The following NCR1 variants were observed in gnomAD, a reference collection of about 807,000 sequenced individuals.
NCR1 encodes NK cell-activating receptor.
NCR1 carries 30 observed loss-of-function variants against 32.5 expected under a neutral mutation model. That is an observed-to-expected ratio of 0.92 (90% CI 0.69 to 1.25). NCR1 has a LOEUF of 1.25. Ranked by LOEUF, NCR1 falls within the 50% of genes most tolerant of loss-of-function variation. The pLI is 0.00. For missense variants in NCR1, 369 were observed against 380.7 expected, an observed-to-expected ratio of 0.97 and a Z score of 0.26; for synonymous variants, 169 against 143.4, an observed-to-expected ratio of 1.18 and a Z score of -1.28.
chr19:54,899,021 A>G, the NCR1 span, among the ~76,000 whole-genome samples: 97 of 152,036 alleles, frequency 6.4e-4, 2 homozygotes, highest in South Asian at 0.019. Context: ...GATTAGAAAG[A>G]CTCAGCGATG....
the NCR1 span, chr19:54,933,573 A>T: frequency 1.2e-6 from 2 of 1,614,176 alleles, no homozygotes; most frequent in African/African-American, 2.7e-5. Context: ...ACTTACACCA[A>T]GGTCTGCAGT....
the NCR1 span, among the ~76,000 whole-genome samples, chr19:54,936,041 G>A: frequency 6.6e-6 from 1 of 152,204 alleles, no homozygotes; most frequent in Admixed American, 6.6e-5. Flanking sequence ...ACCCAGCACA[G>A]AATTCGGGGT....
At chr19:54,937,086 C>T in the NCR1 span, among the ~76,000 whole-genome samples, 6 of 147,842 alleles carry the variant, frequency 4.1e-5, no homozygotes, top group East Asian at 2.0e-4. Flanking sequence ...GGCGTGGTGG[C>T]GGGCGCCTGT....
downstream of NCR1, among the ~76,000 whole-genome samples, chr19:54,919,343 TAA>T (rs1249042402): frequency 1.3e-5 from 2 of 152,058 alleles, no homozygotes; most frequent in East Asian, 1.9e-4. Flanking sequence ...AGGGGCAGGG[TAA>T]AGAGTGTGAG....
chr19:54,915,284 C>T (rs138904023), downstream of NCR1, among the ~76,000 whole-genome samples: 1 of 152,214 alleles, frequency 6.6e-6, no homozygotes, highest in Non-Finnish European at 1.5e-5. Flanking sequence ...AGACTTCTCA[C>T]TAGGGGTCTT....
At chr19:54,912,640 A>AAAAAT in intron 6 of NCR1, 50 bp from the exon 7 acceptor site, 1 of 522,358 alleles carries the variant, frequency 1.9e-6, no homozygotes, top group Non-Finnish European at 3.3e-6. Flanking sequence ...AAAAAAAAAG[A>AAAAAT]GGGTGTCCTT....
At chr19:54,923,013 C>T in the NCR1 span, among the ~76,000 whole-genome samples, 8 of 151,986 alleles carry the variant, frequency 5.3e-5, no homozygotes, top group East Asian at 5.8e-4. Context: ...GAGTAGGAGG[C>T]GGCCCGTGGG....
chr19:54,928,991 T>A, the NCR1 span, among the ~76,000 whole-genome samples: 3 of 152,136 alleles, frequency 2.0e-5, no homozygotes, highest in African/African-American at 4.8e-5. Flanking sequence ...ATCCACCCGT[T>A]TGCATTGAGC....
chr19:54,921,126 TTG>T (rs1461058696), downstream of NCR1, among the ~76,000 whole-genome samples: 3 of 152,228 alleles, frequency 2.0e-5, no homozygotes, highest in Non-Finnish European at 4.4e-5. Context: ...CCTACTATCT[TTG>T]TGTCTTTATT....
chr19:54,936,807 C>T, the NCR1 span, among the ~76,000 whole-genome samples: 1 of 151,924 alleles, frequency 6.6e-6, no homozygotes, highest in Non-Finnish European at 1.5e-5. Context: ...CCCAGGTATT[C>T]GGGAGGCTGA....
chr19:54,898,665 G>C, the NCR1 span, among the ~76,000 whole-genome samples: 1 of 152,154 alleles, frequency 6.6e-6, no homozygotes. Flanking sequence ...TTAGGGTCTA[G>C]GGCTGTAAAG....
the NCR1 span, among the ~76,000 whole-genome samples, chr19:54,934,977 G>A: frequency 6.6e-6 from 1 of 152,022 alleles, no homozygotes; most frequent in Non-Finnish European, 1.5e-5. The surrounding 1 kb of genome is among the most constrained non-coding windows in gnomAD (Gnocchi z 6.7). Context: ...GATTACAGGT[G>A]TGAGCCACCG....
chr19:54,907,937 C>T (rs1602043871), intron 3 of NCR1, among the ~76,000 whole-genome samples: 1 of 150,782 alleles, frequency 6.6e-6, no homozygotes. Context: ...GTCTTTGGAC[C>T]TTGTTTGGAG....
At chr19:54,918,874 C>CT (rs1165018515), downstream of NCR1, among the ~76,000 whole-genome samples, 1 of 151,654 alleles carries the variant, frequency 6.6e-6, no homozygotes, top group Non-Finnish European at 1.5e-5. Flanking sequence ...ATCCCAGCTA[C>CT]TAGGGAGGCT....
the NCR1 span, chr19:54,923,947 C>T: frequency 6.7e-7 from 1 of 1,499,762 alleles, no homozygotes; most frequent in East Asian, 2.3e-5. Context: ...TATCTGTTTT[C>T]AAACACTCAA....
At chr19:54,927,792 T>C in the NCR1 span, 17 of 1,611,904 alleles carry the variant, frequency 1.1e-5, no homozygotes, top group African/African-American at 2.1e-4. Context: ...AGGAAGAACA[T>C]GGAAATCCAC....
rs143721579 is a variant in NCR1 at position 54,911,624 on chromosome 19, C to T, written c.683-544C>T. On this transcript the variant is annotated intron_variant, in intron 5 of 6. Transcript: ENST00000291890. ...AACATGAGTTGGGTGTGGTGGCGCA[C>T]GCCAGTAATTACAGCTACTCGGGGC... 6.4e-3 allele frequency among the ~76,000 whole-genome samples: 970 copies of T among 151,930 alleles called. 9 individuals are homozygous for T. The highest frequency in any genetic ancestry group is 0.022 in the African/African-American group (899 of 41,470).
intron 3 of NCR1, among the ~76,000 whole-genome samples, chr19:54,908,062 A>G (rs2067727980): frequency 6.6e-6 from 1 of 151,866 alleles, no homozygotes; most frequent in Admixed American, 6.6e-5. Flanking sequence ...GTCATAGGAC[A>G]ATAGTGGAGA....
At chr19:54,903,385 T>TACATGC (rs1569535571), upstream of NCR1, among the ~76,000 whole-genome samples, 6 of 139,094 alleles carry the variant, frequency 4.3e-5, no homozygotes, top group Admixed American at 1.4e-4. Context: ...CATGTATGTA[T>TACATGC]ATACATATAT....
Sources: gnomAD v4.1 joint callset for allele counts (sites outside exome capture counted in the v4.1 genomes callset) on GRCh38, gnomAD v4.1.1 for gene constraint, Gnocchi (gnomAD v3.1) non-coding constraint, MANE v1.5 for transcripts, NCBI Gene and HGNC (gene_info 2026-07-23, HGNC 2026-07-21) for gene names.